LDLRAD3: variants seen among roughly 807,000 people sequenced by gnomAD.
LDLRAD3 encodes low density lipoprotein receptor class A domain containing 3.
Under a neutral mutation model 29.4 loss-of-function variants are expected in LDLRAD3, and 20 were observed. The observed-to-expected ratio is 0.68, with a 90% confidence interval of 0.48 to 0.99. The LOEUF (loss-of-function observed/expected upper bound fraction) is 0.99. LDLRAD3 is among the 50% of genes least tolerant of loss of function. The pLI, the probability that LDLRAD3 is intolerant of heterozygous loss-of-function variation, is 0.00. For missense variants in LDLRAD3, 420 were observed against 454.3 expected (o/e 0.92, Z 0.69); for synonymous variants, 157 against 192.7 (o/e 0.81, Z 1.53).
intron 4 of LDLRAD3, among the ~76,000 whole-genome samples, chr11:36,207,852 C>T (rs1018564294): frequency 2.0e-5 from 3 of 152,148 alleles, no homozygotes; most frequent in African/African-American, 4.8e-5. Context: ...ACGGGGGCTG[C>T]TCAGAGAGGG....
chr11:36,019,614 C>T (rs1852068385), intron 1 of LDLRAD3, among the ~76,000 whole-genome samples: 1 of 152,158 alleles, frequency 6.6e-6, no homozygotes, highest in Admixed American at 6.5e-5. Flanking sequence ...CTTTAGGCTC[C>T]TTCATTCCTG....
At chr11:36,210,369 C>T (rs1032863166) in intron 4 of LDLRAD3, among the ~76,000 whole-genome samples, 1 of 152,108 alleles carries the variant, frequency 6.6e-6, no homozygotes, top group Non-Finnish European at 1.5e-5. Context: ...GTTTTAAACA[C>T]AGCCCCATTA....
At chr11:36,032,648 C>G (rs1320526648) in intron 1 of LDLRAD3, among the ~76,000 whole-genome samples, 1 of 152,150 alleles carries the variant, frequency 6.6e-6, no homozygotes, top group Non-Finnish European at 1.5e-5. Flanking sequence ...ACGCCAATAG[C>G]ACCCCCATCT....
intron 1 of LDLRAD3, among the ~76,000 whole-genome samples, chr11:35,991,659 G>A (rs1851691268): frequency 6.6e-6 from 1 of 152,158 alleles, no homozygotes; most frequent in Admixed American, 6.6e-5. Context: ...GTGGGCACGG[G>A]GATGTTCCTA....
chr11:36,141,783 A>G (rs1407438850), intron 4 of LDLRAD3, among the ~76,000 whole-genome samples: 1 of 152,202 alleles, frequency 6.6e-6, no homozygotes, highest in African/African-American at 2.4e-5. Flanking sequence ...AGCACTCTCC[A>G]TTACCTGAAG....
At chr11:35,961,816 C>G (rs1164276709) in intron 1 of LDLRAD3, among the ~76,000 whole-genome samples, 3 of 152,144 alleles carry the variant, frequency 2.0e-5, no homozygotes, top group African/African-American at 7.2e-5. Flanking sequence ...TGTTTTGATA[C>G]AGGCATGCAG....
intron 3 of LDLRAD3, among the ~76,000 whole-genome samples, chr11:36,090,631 G>A (rs920759222): frequency 2.0e-5 from 3 of 152,150 alleles, no homozygotes; most frequent in African/African-American, 7.2e-5. Context: ...ACTGAGTTCT[G>A]CCAGTGGCCC....
chr11:36,081,874 T>TAG, intron 3 of LDLRAD3, 96 bp downstream of exon 3: 1 of 1,420,520 alleles, frequency 7.0e-7, no homozygotes, highest in Non-Finnish European at 9.7e-7. Flanking sequence ...TTCTTATACC[T>TAG]AGAGGCTCAG....
intron 4 of LDLRAD3, among the ~76,000 whole-genome samples, chr11:36,105,708 G>A (rs1160307310): frequency 6.6e-6 from 1 of 152,156 alleles, no homozygotes; most frequent in Admixed American, 6.5e-5. Flanking sequence ...CAGAAGCCAG[G>A]AGAGAGGCTC....
intron 2 of LDLRAD3, among the ~76,000 whole-genome samples, chr11:36,037,218 G>T (rs948249153): frequency 6.6e-6 from 1 of 152,150 alleles, no homozygotes; most frequent in Non-Finnish European, 1.5e-5. Context: ...ACCAGGCCAC[G>T]TGGCCTGTCT....
chr11:36,088,602 C>G (rs1590257142), intron 3 of LDLRAD3, among the ~76,000 whole-genome samples: 1 of 152,162 alleles, frequency 6.6e-6, no homozygotes, highest in Non-Finnish European at 1.5e-5. Flanking sequence ...CATGTCAATC[C>G]AGATGAGAGT....
intron 4 of LDLRAD3, among the ~76,000 whole-genome samples, chr11:36,199,725 C>T (rs1855094589): frequency 6.6e-6 from 1 of 152,218 alleles, no homozygotes; most frequent in South Asian, 2.1e-4. Context: ...TGTCTTCTCC[C>T]TCTTGAGTTG....
intron 4 of LDLRAD3, among the ~76,000 whole-genome samples, chr11:36,170,334 G>GTATATATGTATATATGTACA (rs1565276245): frequency 1.2e-4 from 5 of 41,472 alleles, no homozygotes; most frequent in East Asian, 3.2e-4. Context: ...ATATATGTAC[G>GTATATATGTATATATGTACA]TATATACGTA....
chr11:36,123,497 C>T lies in LDLRAD3; in HGVS notation c.454+25036C>T, dbSNP rs1382690995. Among the ~76,000 whole-genome samples, 4 of 152,226 alleles carry T rather than the reference C, an allele frequency of 2.6e-5. No homozygotes were observed. In the East Asian group the frequency reaches 5.8e-4, roughly 22 times the overall value. On this transcript the variant is annotated intron_variant, in intron 4 of 5. Transcript: ENST00000315571. Reference sequence around the variant, plus strand: ...CCCAGCTCTATAAGCATATTTTAAGCATCTGCTCATTTGTCCCATTGACCC... The same window carrying T: ...CCCAGCTCTATAAGCATATTTTAAGTATCTGCTCATTTGTCCCATTGACCC...
chr11:36,154,839 A>G (rs1854325345), intron 4 of LDLRAD3, among the ~76,000 whole-genome samples: 1 of 152,182 alleles, frequency 6.6e-6, no homozygotes, highest in Non-Finnish European at 1.5e-5. Flanking sequence ...ACCAACCACC[A>G]GGTGACCCCA....
chr11:35,967,630 G>T, intron 1 of LDLRAD3: 1 of 458,554 alleles, frequency 2.2e-6, no homozygotes, highest in South Asian at 1.7e-5. Flanking sequence ...CAACTTCTGT[G>T]ACTCCAGAGG....
chr11:36,041,505 G>C (rs1307021206), intron 2 of LDLRAD3, among the ~76,000 whole-genome samples: 1 of 152,160 alleles, frequency 6.6e-6, no homozygotes, highest in Non-Finnish European at 1.5e-5. Flanking sequence ...TTTTTAAAAA[G>C]ATTCTAAAAA....
intron 1 of LDLRAD3, among the ~76,000 whole-genome samples, chr11:35,966,154 G>A (rs1373902135): frequency 2.6e-5 from 4 of 152,212 alleles, no homozygotes; most frequent in East Asian, 1.9e-4. Context: ...CAGGCTGGGC[G>A]CAGTGGCTGA....
intron 1 of LDLRAD3, among the ~76,000 whole-genome samples, chr11:35,973,226 C>T (rs1851437421): frequency 1.3e-5 from 2 of 151,994 alleles, no homozygotes; most frequent in Non-Finnish European, 2.9e-5. Flanking sequence ...TCAGAGATCT[C>T]TCTTTCAGAA....
Sources: gnomAD v4.1 joint callset for allele counts (sites outside exome capture counted in the v4.1 genomes callset) on GRCh38, gnomAD v4.1.1 for gene constraint, MANE v1.5 for transcripts, NCBI Gene and HGNC (gene_info 2026-07-23, HGNC 2026-07-21) for gene names.